The following TIMP2 variants were observed in gnomAD, a reference collection of about 807,000 sequenced individuals.
TIMP2 encodes metalloproteinase inhibitor 2.
In TIMP2, 5 loss-of-function variants were observed where a neutral mutation model predicts 24.3. That is an observed-to-expected ratio of 0.21 (90% CI 0.11 to 0.43). The LOEUF (loss-of-function observed/expected upper bound fraction) is 0.43, where lower values mean the gene tolerates loss of function less well. Ranked by LOEUF, TIMP2 falls within the 20% of genes least tolerant of loss-of-function variation. TIMP2 has a pLI of 1.00. For synonymous variants in TIMP2, 130 were observed against 123.2 expected (o/e 1.06, Z -0.37); for missense variants, 221 against 297.5 (o/e 0.74, Z 1.89).
chr17:78,880,894 G>A (rs535805032), intron 1 of TIMP2, among the ~76,000 whole-genome samples: 10 of 152,278 alleles, frequency 6.6e-5, no homozygotes, highest in African/African-American at 1.9e-4. Flanking sequence ...CAGGCAAACC[G>A]GTGGATATCA....
intron 1 of TIMP2, among the ~76,000 whole-genome samples, chr17:78,910,937 G>A (rs2070201587): frequency 6.6e-6 from 1 of 152,202 alleles, no homozygotes. Context: ...GGGTGCAGGT[G>A]TCTCTCTGAT....
chr17:78,888,137 G>C (rs2069841238), intron 1 of TIMP2, among the ~76,000 whole-genome samples: 1 of 151,470 alleles, frequency 6.6e-6, no homozygotes, highest in African/African-American at 2.4e-5. Context: ...AGTTCAGCAG[G>C]TATATATCTT....
chr17:78,890,729 T>C (rs1348286992), intron 1 of TIMP2: 1 of 1,550,552 alleles, frequency 6.4e-7, no homozygotes, highest in Non-Finnish European at 8.7e-7. Flanking sequence ...CTGCTGCTGC[T>C]GGTCTCGGAT....
chr17:78,861,468 C>G (rs969205268), intron 3 of TIMP2, among the ~76,000 whole-genome samples: 2 of 152,180 alleles, frequency 1.3e-5, no homozygotes, highest in Non-Finnish European at 2.9e-5. Flanking sequence ...GAGACACACC[C>G]GTGCTTGTTC....
intron 1 of TIMP2, among the ~76,000 whole-genome samples, chr17:78,878,356 G>A (rs549542575): frequency 5.3e-5 from 8 of 152,318 alleles, no homozygotes; most frequent in South Asian, 4.1e-4. Context: ...TCACAAGGTC[G>A]TGGTGACTGT....
At chr17:78,863,028 G>A (rs182221153) in intron 3 of TIMP2, among the ~76,000 whole-genome samples, 87 of 152,284 alleles carry the variant, frequency 5.7e-4, no homozygotes, top group African/African-American at 2.0e-3. Context: ...ACATACGGGC[G>A]CAGTGCCGTT....
chr17:78,919,079 G>A (rs997543491), intron 1 of TIMP2, among the ~76,000 whole-genome samples: 47 of 152,304 alleles, frequency 3.1e-4, no homozygotes, highest in Middle Eastern at 3.4e-3. Flanking sequence ...GCACCCCTCC[G>A]GAGACGACTG....
chr17:78,868,733 G>A (rs12453537), intron 3 of TIMP2, among the ~76,000 whole-genome samples: 97,092 of 151,870 alleles, frequency 0.64, 32,082 homozygotes, highest in Admixed American at 0.73. Flanking sequence ...GCAGCTCCTC[G>A]GCTGCACTAG....
chr17:78,889,339 C>T (rs1433269435), intron 1 of TIMP2, among the ~76,000 whole-genome samples: 2 of 152,230 alleles, frequency 1.3e-5, no homozygotes, highest in Non-Finnish European at 2.9e-5. Flanking sequence ...CACCCAGGTG[C>T]CGACACCCTT....
At chr17:78,914,870 A>G (rs1164833125) in intron 1 of TIMP2, among the ~76,000 whole-genome samples, 1 of 150,602 alleles carries the variant, frequency 6.6e-6, no homozygotes, top group Non-Finnish European at 1.5e-5. Context: ...TACAGGTGTA[A>G]GCCACCGCGC....
chr17:78,905,688 G>A (rs2070152461), intron 1 of TIMP2, among the ~76,000 whole-genome samples: 1 of 152,204 alleles, frequency 6.6e-6, no homozygotes, highest in South Asian at 2.1e-4. Flanking sequence ...CTCTCCTGAC[G>A]CTGCCTTGGC....
intron 1 of TIMP2, chr17:78,899,994 T>C (rs571051746): frequency 3.9e-5 from 6 of 152,350 alleles, no homozygotes; most frequent in African/African-American, 1.2e-4. Context: ...TATGGAAAGT[T>C]AGACATTTCT....
chr17:78,908,787 T>G (rs1484236526), intron 1 of TIMP2, among the ~76,000 whole-genome samples: 2 of 152,246 alleles, frequency 1.3e-5, no homozygotes, highest in Non-Finnish European at 2.9e-5. Flanking sequence ...AGACTGTTCC[T>G]TTATTCCCTG....
rs538699704 is a variant in TIMP2 at position 78,896,152 on chromosome 17, G to C, written c.131-22233C>G. Among the ~76,000 whole-genome samples, 1 of 152,158 alleles carries C rather than the reference G, an allele frequency of 6.6e-6. No homozygotes were observed. The highest frequency in any genetic ancestry group is 1.5e-5 in the Non-Finnish European group (1 of 68,022). On this transcript the variant is annotated intron_variant, in intron 1 of 4. Coordinates refer to ENST00000262768, the MANE Select transcript of TIMP2 (RefSeq NM_003255.5). This position sits in a 1 kb window ranked among gnomAD's most constrained non-coding sequence, Gnocchi z 4.4. Reference sequence around the variant, plus strand: ...CACCATCAGATGCAACCTCGTCCCCGCTACCCCAGCTCTCCTTGCTCTCCC... The same window carrying C: ...CACCATCAGATGCAACCTCGTCCCCCCTACCCCAGCTCTCCTTGCTCTCCC...
intron 1 of TIMP2, among the ~76,000 whole-genome samples, chr17:78,890,063 T>A (rs2069865214): frequency 6.6e-6 from 1 of 151,636 alleles, no homozygotes; most frequent in South Asian, 2.1e-4. Flanking sequence ...AGGTACTGAG[T>A]CGAGACTGCA....
intron 1 of TIMP2, among the ~76,000 whole-genome samples, chr17:78,922,786 T>C (rs1396579611): frequency 6.6e-6 from 1 of 151,850 alleles, no homozygotes; most frequent in Non-Finnish European, 1.5e-5. Context: ...GCCATTGCAC[T>C]CCAGCCTGCT....
intron 1 of TIMP2, chr17:78,892,338 T>G (rs1367909074): frequency 6.4e-7 from 1 of 1,550,488 alleles, no homozygotes; most frequent in African/African-American, 1.4e-5. Context: ...ATGTTTCTGT[T>G]CCTGTCTGCG....
In TIMP2 at chr17:78,905,900, G is replaced by A. The variant is rs149635150; in HGVS notation, c.130+19059C>T. On this transcript the variant is annotated intron_variant, in intron 1 of 4. Transcript: ENST00000262768. ...ACAGGCAGACCTCAGACATACTGCG[G>A]GTTGAGTTCCCACAGAATCATAATA... is the stretch of plus-strand genomic sequence containing the variant. Among the ~76,000 whole-genome samples the A allele has an allele frequency of 1.6e-3, 243 of 152,274 alleles. 2 individuals carry two copies. The highest frequency in any genetic ancestry group is 5.3e-3 in the African/African-American group (221 of 41,554).
rs2070337051 is a variant in TIMP2, at chr17:78,924,836, G to C, written c.130+123C>G. ...CACTTGCAGGATTCGAGAAGGCGCC[G>C]AGGGACCAGGAGGCGGGCGCTGGGG... On this transcript the variant is annotated intron_variant, in intron 1 of 4. Transcript: ENST00000262768. The surrounding 1 kb of genome is among the most constrained non-coding windows in gnomAD (Gnocchi z 5.3). The C allele has an allele frequency of 1.8e-5, 9 of 508,132 alleles. No homozygotes were observed. Among genetic ancestry groups the C allele is most frequent in the Non-Finnish European group, 2.5e-5 (9 of 356,958 alleles). 31.5% of individuals were successfully genotyped at this position (508,132 alleles called of 1,614,324 possible). A position where few individuals can be genotyped will look rare whatever the true frequency, so the allele number is the denominator to read the frequency against.
Sources: allele counts gnomAD v4.1 joint callset (sites outside exome capture counted in the v4.1 genomes callset), GRCh38; gene constraint gnomAD v4.1.1; non-coding constraint Gnocchi (gnomAD v3.1); transcripts MANE v1.5; gene names NCBI Gene and HGNC (gene_info 2026-07-23, HGNC 2026-07-21).